Variants in RAB38 observed in about 807,000 individuals in gnomAD.
RAB38 encodes the protein RAB38, member RAS oncogene family, also known as ras-related protein Rab-38.
In RAB38, 15 loss-of-function variants were observed where a neutral mutation model predicts 18.4. The observed-to-expected ratio is 0.82, with a 90% CI of 0.55 to 1.26. RAB38 has a LOEUF of 1.26. Among genes scored for constraint, RAB38 ranks in the 50% most tolerant of loss-of-function variants. RAB38 has a pLI of 0.00. For missense variants in RAB38, 294 were observed against 267.4 expected (o/e 1.10, Z -0.69); for synonymous variants, 101 against 104.4 (o/e 0.97, Z 0.20).
At chr11:87,855,486 T>G in the RAB38 span, among the ~76,000 whole-genome samples, 1 of 152,200 alleles carries the variant, frequency 6.6e-6, no homozygotes, top group Non-Finnish European at 1.5e-5. Flanking sequence ...AGACATTTTT[T>G]GGTCATTATA....
chr11:87,879,296 C>A, the RAB38 span, among the ~76,000 whole-genome samples: 1 of 150,808 alleles, frequency 6.6e-6, no homozygotes, highest in Non-Finnish European at 1.5e-5. Flanking sequence ...AACCACATTG[C>A]GAGAACATGA....
chr11:88,032,365 C>A, the RAB38 span, among the ~76,000 whole-genome samples: 236 of 152,218 alleles, frequency 1.6e-3, no homozygotes, highest in African/African-American at 5.4e-3. Flanking sequence ...GCAACCAAAG[C>A]CAAAATTGAC....
the RAB38 span, among the ~76,000 whole-genome samples, chr11:87,839,057 G>A: frequency 0.06 from 9,124 of 152,138 alleles, 374 homozygotes; most frequent in Non-Finnish European, 0.084. Flanking sequence ...ACTATCCATC[G>A]GACACAAGAG....
the RAB38 span, among the ~76,000 whole-genome samples, chr11:87,803,775 G>A: frequency 2.6e-5 from 4 of 152,322 alleles, no homozygotes; most frequent in Non-Finnish European, 5.9e-5. Flanking sequence ...GGTAGGGCAG[G>A]CATAGGATAG....
chr11:87,829,815 T>C, the RAB38 span, among the ~76,000 whole-genome samples: 1 of 152,160 alleles, frequency 6.6e-6, no homozygotes, highest in Non-Finnish European at 1.5e-5. Flanking sequence ...ACAGAGGTGA[T>C]ATTATCTCTC....
At chr11:88,083,080 A>G in the RAB38 span, among the ~76,000 whole-genome samples, 4 of 151,766 alleles carry the variant, frequency 2.6e-5, no homozygotes, top group African/African-American at 7.3e-5. Flanking sequence ...TGTAATTACT[A>G]TTCTCTGGGT....
At chr11:88,029,770 C>T in the RAB38 span, among the ~76,000 whole-genome samples, 2 of 152,028 alleles carry the variant, frequency 1.3e-5, no homozygotes, top group Non-Finnish European at 2.9e-5. Context: ...GACTCCCACA[C>T]ATTAATAATG....
At chr11:87,854,918 C>T in the RAB38 span, among the ~76,000 whole-genome samples, 2 of 152,084 alleles carry the variant, frequency 1.3e-5, no homozygotes, top group African/African-American at 4.8e-5. Context: ...CCTCAGCCTC[C>T]CGAGTAGCTG....
the RAB38 span, among the ~76,000 whole-genome samples, chr11:87,951,353 C>G: frequency 2.6e-4 from 40 of 152,188 alleles, 1 homozygote; most frequent in South Asian, 8.3e-4. Context: ...CCTCCTGTAG[C>G]TCGGAGTAGT....
At chr11:87,857,881 G>T in the RAB38 span, among the ~76,000 whole-genome samples, 8 of 152,116 alleles carry the variant, frequency 5.3e-5, no homozygotes, top group African/African-American at 1.9e-4. Flanking sequence ...GATCCCATTT[G>T]TCAATTTTGG....
intron 2 of RAB38, among the ~76,000 whole-genome samples, chr11:88,130,412 A>G (rs1307369869): frequency 6.6e-6 from 1 of 152,238 alleles, no homozygotes; most frequent in Non-Finnish European, 1.5e-5. Context: ...AAAATACTAA[A>G]GGCAGAAAAA....
the RAB38 span, among the ~76,000 whole-genome samples, chr11:88,069,256 G>A: frequency 6.6e-5 from 10 of 152,216 alleles, no homozygotes; most frequent in Admixed American, 2.6e-4. Flanking sequence ...TGCTGTGCTC[G>A]AATTCTTGCT....
the RAB38 span, among the ~76,000 whole-genome samples, chr11:87,857,020 C>T: frequency 6.6e-6 from 1 of 152,038 alleles, no homozygotes; most frequent in Non-Finnish European, 1.5e-5. Context: ...CCGCTCCCCC[C>T]ACCCCACGAC....
chr11:87,808,265 A>G, the RAB38 span, among the ~76,000 whole-genome samples: 12 of 152,242 alleles, frequency 7.9e-5, no homozygotes, highest in African/African-American at 2.9e-4. Context: ...TCCCATGTTT[A>G]GTGCAGTGTT....
At chr11:88,079,605 T>G in the RAB38 span, among the ~76,000 whole-genome samples, 12 of 151,754 alleles carry the variant, frequency 7.9e-5, no homozygotes, top group African/African-American at 2.9e-4. Flanking sequence ...AAAAGAAAAC[T>G]ATCTACTGAC....
chr11:87,823,699 A>G, the RAB38 span, among the ~76,000 whole-genome samples: 3 of 152,200 alleles, frequency 2.0e-5, no homozygotes, highest in African/African-American at 7.2e-5. Flanking sequence ...AAATGGTCGT[A>G]GCAATTTTAT....
chr11:87,911,739 A>G, the RAB38 span, among the ~76,000 whole-genome samples: 23 of 152,106 alleles, frequency 1.5e-4, no homozygotes, highest in East Asian at 4.5e-3. Context: ...ACTGGCTAGT[A>G]TCATAATTAT....
At chr11:88,149,989 T>C in intron 1 of RAB38, 34 bp from the exon 2 acceptor site, 1 of 1,579,550 alleles carries the variant, frequency 6.3e-7, no homozygotes, top group African/African-American at 1.4e-5. Context: ...TAAAAATGTA[T>C]TAAAATTGCA....
At chr11:87,886,033 C>T in the RAB38 span, among the ~76,000 whole-genome samples, 2 of 151,938 alleles carry the variant, frequency 1.3e-5, no homozygotes, top group African/African-American at 4.8e-5. Context: ...CTAGCACTCC[C>T]ATTATCTCAA....
Sources: allele counts gnomAD v4.1 joint callset (sites outside exome capture counted in the v4.1 genomes callset), GRCh38; gene constraint gnomAD v4.1.1; transcripts MANE v1.5; gene names NCBI Gene and HGNC (gene_info 2026-07-23, HGNC 2026-07-21).